Variants in R3HDM1 observed in about 807,000 individuals in gnomAD.
R3HDM1 encodes the protein R3H domain-containing protein 1.
Under a neutral mutation model 141.1 loss-of-function variants are expected in R3HDM1, and 46 were observed. The ratio of observed to expected loss-of-function variants is 0.33; its 90% confidence interval spans 0.26 to 0.42. The LOEUF (loss-of-function observed/expected upper bound fraction) is 0.42. Among genes scored for constraint, R3HDM1 ranks in the 10% least tolerant of loss-of-function variants. The pLI is 1.00. For synonymous variants in R3HDM1, 435 were observed against 472.9 expected (o/e 0.92, Z 1.04); for missense variants, 1,184 against 1,368.3 (o/e 0.87, Z 2.12).
chr2:135,709,319 C>T (rs1280760234), intron 21 of R3HDM1, 114 bp from the exon 22 acceptor site: 11 of 1,406,452 alleles, frequency 7.8e-6, no homozygotes, highest in South Asian at 6.8e-5. Flanking sequence ...GTGATCCGCC[C>T]GCCTTGGCCT....
At chr2:135,545,751 G>C (rs961219375) in intron 1 of R3HDM1, among the ~76,000 whole-genome samples, 1 of 152,102 alleles carries the variant, frequency 6.6e-6, no homozygotes, top group Non-Finnish European at 1.5e-5. Flanking sequence ...AGTGGATTTG[G>C]GGGGACACTT....
chr2:135,588,587 G>GT (rs1708489540), intron 1 of R3HDM1, among the ~76,000 whole-genome samples: 1 of 152,028 alleles, frequency 6.6e-6, no homozygotes, highest in Non-Finnish European at 1.5e-5. Context: ...TGTTTGCTCA[G>GT]TTTTTTAATT....
chr2:135,532,127 C>G (rs1341332918), intron 1 of R3HDM1, among the ~76,000 whole-genome samples: 1 of 152,128 alleles, frequency 6.6e-6, no homozygotes, highest in African/African-American at 2.4e-5. Flanking sequence ...CCCGGGCTCC[C>G]CCGGCCGCCC....
At chr2:135,538,180 A>G (rs1001964190) in intron 1 of R3HDM1, among the ~76,000 whole-genome samples, 1 of 152,226 alleles carries the variant, frequency 6.6e-6, no homozygotes, top group Non-Finnish European at 1.5e-5. Context: ...ATGCTACTAT[A>G]CTAAATACTA....
At chr2:135,620,684 G>C in intron 5 of R3HDM1, 6 of 946,424 alleles carry the variant, frequency 6.3e-6, no homozygotes, top group Non-Finnish European at 6.3e-6. Context: ...AGTAAAACTG[G>C]TGTAGAATTT....
chr2:135,648,087 G>A (rs2064677023), intron 16 of R3HDM1, among the ~76,000 whole-genome samples: 1 of 152,124 alleles, frequency 6.6e-6, no homozygotes, highest in South Asian at 2.1e-4. Context: ...AACACATCAA[G>A]TAGCTTGTTC....
rs531370307 is a variant in R3HDM1 at position 135,613,093 on chromosome 2, GACA to G, written c.172-3055_172-3053del. The stretch of plus-strand genomic sequence containing the variant: ...TTACCACAAACATAGAGGCTTAAAA[GACA>G]ACACCCATTATCAGCTCACAGTGGG... On this transcript the variant is annotated intron_variant, in intron 3 of 26. Coordinates refer to ENST00000683871, the MANE Select transcript of R3HDM1 (RefSeq NM_001378107.1). 8.0e-4 allele frequency among the ~76,000 whole-genome samples: 122 copies of G among 152,302 alleles called. 1 individual carries two copies. The highest frequency in any genetic ancestry group is 2.8e-3 in the African/African-American group (117 of 41,562).
rs2075456862 is a variant in R3HDM1, at chr2:135,710,199, G to A, written c.2704G>A (p.Val902Ile). ...TGATCACCAGAGAGGACAGAAGTGT[G>A]TAGAATTTAGCAGTGTAGACAATAT... ...YCDHQRGQKC[V>I]EFSSVDNIVQ... The change falls in exon 23 of 27, where the codon GTA becomes ATA. Residue 902 changes from valine to isoleucine, a missense_variant. By Grantham distance (29) the Val-to-Ile change is conservative. Coordinates refer to ENST00000683871, the MANE Select transcript of R3HDM1 (RefSeq NM_001378107.1). The A allele has an allele frequency of 1.2e-6, 2 of 1,614,136 alleles. No individual in the cohort carries two copies. The highest frequency in any genetic ancestry group is 4.5e-5 in the East Asian group (2 of 44,888).
intron 16 of R3HDM1, among the ~76,000 whole-genome samples, chr2:135,645,764 GGTGA>G (rs1653965546): frequency 6.6e-6 from 1 of 152,148 alleles, no homozygotes; most frequent in Non-Finnish European, 1.5e-5. Context: ...GAGCCTGTCT[GGTGA>G]GTATTTTATC....
At chr2:135,572,316 T>G (rs567347796) in intron 1 of R3HDM1, among the ~76,000 whole-genome samples, 1 of 152,300 alleles carries the variant, frequency 6.6e-6, no homozygotes, top group South Asian at 2.1e-4. Context: ...AAGGAGCTCT[T>G]ATGACTCAAT....
chr2:135,578,624 C>T (rs761956452), intron 1 of R3HDM1, among the ~76,000 whole-genome samples: 2 of 152,152 alleles, frequency 1.3e-5, no homozygotes, highest in Non-Finnish European at 2.9e-5. Context: ...CAATGAATAA[C>T]ACTGACTTGA....
At chr2:135,699,639 C>T (rs937424428) in intron 21 of R3HDM1, among the ~76,000 whole-genome samples, 1 of 152,054 alleles carries the variant, frequency 6.6e-6, no homozygotes, top group Non-Finnish European at 1.5e-5. Context: ...GAAGAATGTT[C>T]TAAAGTTTTG....
chr2:135,656,539 T>C (rs1485947210), intron 18 of R3HDM1: 1 of 152,180 alleles, frequency 6.6e-6, no homozygotes, highest in Non-Finnish European at 1.5e-5. Context: ...GCTAATCTTC[T>C]CTGTATTGTT....
chr2:135,547,767 CTTTTTTTTTTTTT>C (rs56950620), intron 1 of R3HDM1, among the ~76,000 whole-genome samples: 23 of 107,354 alleles, frequency 2.1e-4, no homozygotes, highest in African/African-American at 9.1e-4. Flanking sequence ...TTTTTCTTTT[CTTTTTTTTTTTTT>C]TTTTTTTTCT....
chr2:135,572,115 G>A (rs1274188864), intron 1 of R3HDM1, among the ~76,000 whole-genome samples: 1 of 151,940 alleles, frequency 6.6e-6, no homozygotes, highest in Admixed American at 6.6e-5. Flanking sequence ...ACACCACCAC[G>A]CCCAGCTAAT....
At chr2:135,558,760 T>C (rs964102091) in intron 1 of R3HDM1, among the ~76,000 whole-genome samples, 3 of 152,196 alleles carry the variant, frequency 2.0e-5, no homozygotes, top group African/African-American at 7.2e-5. Flanking sequence ...GGGATGAACA[T>C]TTCAGTACTG....
intron 19 of R3HDM1, chr2:135,669,083 C>T (rs1382024599): frequency 4.3e-6 from 4 of 936,336 alleles, no homozygotes; most frequent in Non-Finnish European, 5.1e-6. Flanking sequence ...CACTGTTTTG[C>T]CTAGACTGGA....
chr2:135,701,871 G>A (rs1274962866), intron 21 of R3HDM1, among the ~76,000 whole-genome samples: 5 of 152,128 alleles, frequency 3.3e-5, no homozygotes, highest in Non-Finnish European at 5.9e-5. Context: ...ACTACTGTGT[G>A]CACCATTTTT....
chr2:135,646,322 A>G (rs1255908962), intron 16 of R3HDM1, among the ~76,000 whole-genome samples: 5 of 150,708 alleles, frequency 3.3e-5, no homozygotes, highest in Non-Finnish European at 5.9e-5. Flanking sequence ...TTTTTAGTAG[A>G]GACTGGGTTT....
Sources: allele counts gnomAD v4.1 joint callset (sites outside exome capture counted in the v4.1 genomes callset), GRCh38; gene constraint gnomAD v4.1.1; transcripts MANE v1.5; gene names NCBI Gene and HGNC (gene_info 2026-07-23, HGNC 2026-07-21).